PRKCE: variants seen among roughly 807,000 people sequenced by gnomAD.
The protein encoded by PRKCE is protein kinase C epsilon type.
Under a neutral mutation model 85.4 loss-of-function variants are expected in PRKCE, and 16 were observed. The observed-to-expected ratio is 0.19, with a 90% CI of 0.13 to 0.28. The LOEUF is 0.28. Ranked by LOEUF, PRKCE falls within the 10% of genes least tolerant of loss-of-function variation. The pLI is 1.00. For missense variants in PRKCE, 573 were observed against 975.2 expected, an observed-to-expected ratio of 0.59 and a Z score of 5.49; for synonymous variants, 388 against 371.5, an observed-to-expected ratio of 1.04 and a Z score of -0.51.
At chr2:45,717,812 C>A (rs1202312391) in intron 1 of PRKCE, among the ~76,000 whole-genome samples, 3 of 152,192 alleles carry the variant, frequency 2.0e-5, no homozygotes, top group Non-Finnish European at 2.9e-5. Context: ...TAATTGGCCT[C>A]ATGTGGCTGT....
chr2:45,775,683 T>C (rs1178032953), intron 1 of PRKCE, among the ~76,000 whole-genome samples: 1 of 152,176 alleles, frequency 6.6e-6, no homozygotes, highest in African/African-American at 2.4e-5. Context: ...CACCTCCTAA[T>C]GGGTCTCTCG....
At chr2:45,834,122 G>T (rs759157324) in intron 1 of PRKCE, among the ~76,000 whole-genome samples, 1 of 152,232 alleles carries the variant, frequency 6.6e-6, no homozygotes. Context: ...GTGCTAACTT[G>T]AGCCTACTCC....
At chr2:46,039,143 A>G (rs922434841) in intron 10 of PRKCE, among the ~76,000 whole-genome samples, 1 of 152,240 alleles carries the variant, frequency 6.6e-6, no homozygotes, top group African/African-American at 2.4e-5. Context: ...TCTGCAAAAT[A>G]AGATAATAGT....
chr2:45,760,568 G>T (rs1276054639), intron 1 of PRKCE, among the ~76,000 whole-genome samples: 3 of 152,202 alleles, frequency 2.0e-5, no homozygotes, highest in Non-Finnish European at 2.9e-5. Flanking sequence ...GGCGTGACAC[G>T]ATGAAGGTAA....
At chr2:45,717,275 G>A (rs1197262637) in intron 1 of PRKCE, among the ~76,000 whole-genome samples, 1 of 152,190 alleles carries the variant, frequency 6.6e-6, no homozygotes, top group South Asian at 2.1e-4. Flanking sequence ...TTGTGTGTCT[G>A]TCAAGTCTGT....
At chr2:46,096,564 G>A (rs2104012939) in intron 11 of PRKCE, among the ~76,000 whole-genome samples, 1 of 152,292 alleles carries the variant, frequency 6.6e-6, no homozygotes, top group African/African-American at 2.4e-5. Flanking sequence ...ACACAGACAA[G>A]CACAAGGGAA....
intron 7 of PRKCE, among the ~76,000 whole-genome samples, chr2:46,002,893 A>T (rs1019670803): frequency 6.6e-6 from 1 of 152,252 alleles, no homozygotes; most frequent in African/African-American, 2.4e-5. Flanking sequence ...AAGTAAATTA[A>T]GACAGAATCT....
chr2:45,970,998 T>A (rs909774545), intron 2 of PRKCE, among the ~76,000 whole-genome samples: 11 of 152,098 alleles, frequency 7.2e-5, no homozygotes, highest in Admixed American at 2.0e-4. Flanking sequence ...CTATGAGAGT[T>A]GCATTTTATT....
chr2:45,762,821 G>A (rs981009558), intron 1 of PRKCE, among the ~76,000 whole-genome samples: 1 of 152,210 alleles, frequency 6.6e-6, no homozygotes, highest in South Asian at 2.1e-4. Context: ...TCAAGCCTAG[G>A]ATAAAAAGCT....
chr2:45,900,137 T>C (rs1696467892), intron 2 of PRKCE, among the ~76,000 whole-genome samples: 1 of 152,122 alleles, frequency 6.6e-6, no homozygotes, highest in Non-Finnish European at 1.5e-5. Flanking sequence ...GATGAAGATG[T>C]GGGGAAATGG....
At chr2:46,049,696 A>G (rs1417041859) in intron 10 of PRKCE, among the ~76,000 whole-genome samples, 1 of 151,700 alleles carries the variant, frequency 6.6e-6, no homozygotes, top group Non-Finnish European at 1.5e-5. Context: ...TCTGCTTTCC[A>G]CTCTGCATTC....
chr2:45,879,629 A>G (rs946090054), intron 2 of PRKCE, among the ~76,000 whole-genome samples: 4 of 152,130 alleles, frequency 2.6e-5, no homozygotes, highest in Admixed American at 2.6e-4. Context: ...TCCTGCTGGC[A>G]CTCAAAAGCA....
Position 45,853,076 on chromosome 2 carries a change from G to C in PRKCE, c.412+10013G>C, listed in dbSNP as rs117276477. Among the ~76,000 whole-genome samples, 34 of 152,328 alleles carry C rather than the reference G, an allele frequency of 2.2e-4. 1 individual carries two copies. In the East Asian group the frequency reaches 6.4e-3, roughly 29 times the overall value. On this transcript the variant is annotated intron_variant, in intron 2 of 14. Coordinates refer to ENST00000306156, the MANE Select transcript of PRKCE (RefSeq NM_005400.3). ...TGGAAAACTAAGAAGGAAATGTGCAGATTTTTCTTTCTCGAGTCCCGATCA... is the reference window on the plus strand; with the variant it reads ...TGGAAAACTAAGAAGGAAATGTGCACATTTTTCTTTCTCGAGTCCCGATCA...
At chr2:46,031,591 CGTGTGTGTGTGTGTGT>C (rs58684318) in intron 10 of PRKCE, among the ~76,000 whole-genome samples, 21 of 144,122 alleles carry the variant, frequency 1.5e-4, no homozygotes, top group South Asian at 4.5e-4. Context: ...ACATTCTGCT[CGTGTGTGTGTGTGTGT>C]GTGTGTGTGT....
chr2:45,689,688 G>A (rs896542957), intron 1 of PRKCE, among the ~76,000 whole-genome samples: 1 of 151,942 alleles, frequency 6.6e-6, no homozygotes, highest in Admixed American at 6.6e-5. Flanking sequence ...GGGAGGTCAG[G>A]CATTTGAGAC....
At chr2:45,682,126 A>G in intron 1 of PRKCE, among the ~76,000 whole-genome samples, 1 of 152,120 alleles carries the variant, frequency 6.6e-6, no homozygotes, top group East Asian at 1.9e-4. Flanking sequence ...TTTTTTACAA[A>G]CAGCTTTACT....
chr2:45,748,649 T>C (rs950064704), intron 1 of PRKCE, among the ~76,000 whole-genome samples: 1 of 152,170 alleles, frequency 6.6e-6, no homozygotes, highest in Non-Finnish European at 1.5e-5. Flanking sequence ...AGTCTCTAGT[T>C]TGGGTCTTCT....
At chr2:45,797,362 C>G (rs762122670) in intron 1 of PRKCE, among the ~76,000 whole-genome samples, 2 of 152,214 alleles carry the variant, frequency 1.3e-5, no homozygotes, top group Non-Finnish European at 2.9e-5. Flanking sequence ...CAGCTCTCCA[C>G]GACTGCGGTA....
chr2:45,857,579 G>T (rs988689312), intron 2 of PRKCE, among the ~76,000 whole-genome samples: 3 of 152,030 alleles, frequency 2.0e-5, no homozygotes, highest in African/African-American at 7.2e-5. Flanking sequence ...TGATTGGTTT[G>T]TTTATTTATT....
Sources: gnomAD v4.1 joint callset for allele counts (sites outside exome capture counted in the v4.1 genomes callset) on GRCh38, gnomAD v4.1.1 for gene constraint, MANE v1.5 for transcripts, NCBI Gene and HGNC (gene_info 2026-07-23, HGNC 2026-07-21) for gene names.